MED16: variants seen among roughly 807,000 people sequenced by gnomAD.
MED16 encodes mediator complex subunit 16.
In MED16, 81 loss-of-function variants were observed where a neutral mutation model predicts 84.4. That is an observed-to-expected ratio of 0.96 (90% CI 0.80 to 1.15). The LOEUF (loss-of-function observed/expected upper bound fraction) is 1.15. Ranked by LOEUF, MED16 falls within the 50% of genes most tolerant of loss-of-function variation. The pLI is 0.00. For synonymous variants in MED16, 897 were observed against 552.2 expected, an observed-to-expected ratio of 1.62 and a Z score of -8.76; for missense variants, 1,585 against 1,245.9, an observed-to-expected ratio of 1.27 and a Z score of -4.10.
At position 880,066 on chromosome 19, in the gene MED16, G is replaced by A. The variant is rs34799086; in HGVS notation, c.1224C>T (p.Ser408=). Residue 408 remains serine (S), a synonymous_variant, in exon 8 of 16, where the codon TCC becomes TCT. Coordinates refer to ENST00000325464, the MANE Select transcript of MED16 (RefSeq NM_005481.3). ...SLQTMAVFYS[S]AAPRPVDEPA... is the part of the protein sequence containing the mutation. Reference sequence around the variant, plus strand: ...GCTCATCCACAGGCCTCGGGGCCGCGGAGCTGTAGAAGACGGCCATGGTCT... The same window carrying A: ...GCTCATCCACAGGCCTCGGGGCCGCAGAGCTGTAGAAGACGGCCATGGTCT... 0.16 allele frequency: 257,403 copies of A among 1,610,476 alleles called. 26,799 individuals are homozygous for A. Among genetic ancestry groups the A allele is most frequent in the East Asian group, 0.59 (26,592 of 44,810 alleles).
chr19:890,308 C>G, intron 2 of MED16, 64 bp from the exon 3 acceptor site: 1 of 1,178,456 alleles, frequency 8.5e-7, no homozygotes, highest in Non-Finnish European at 1.2e-6. Flanking sequence ...GACGATGACT[C>G]CAGGCAGGCT....
At chr19:881,244 G>C (rs2036416886) in intron 7 of MED16, among the ~76,000 whole-genome samples, 1 of 152,226 alleles carries the variant, frequency 6.6e-6, no homozygotes, top group South Asian at 2.1e-4. Flanking sequence ...CTGCAGCACA[G>C]AGAGGACACA....
At position 880,158 on chromosome 19, in the gene MED16, A is replaced by G. The variant is rs2036390138; in HGVS notation, c.1142-10T>C. ...AAGGCCAGGGCCAGCCCTGTGGGGC[A>G]CAGGCACTGCTTAGACATGGGCAGG... On this transcript the variant is annotated splice_polypyrimidine_tract_variant and intron_variant, in intron 7 of 15. Transcript: ENST00000325464. The G allele has an allele frequency of 6.2e-7, 1 of 1,603,654 alleles. No homozygotes were observed. The highest frequency in any genetic ancestry group is 8.5e-7 in the Non-Finnish European group (1 of 1,177,578).
chr19:879,897 A>G, intron 8 of MED16, 40 bp downstream of exon 8: 1 of 1,415,832 alleles, frequency 7.1e-7, no homozygotes, highest in Non-Finnish European at 9.4e-7. Flanking sequence ...CTGGTTGTCA[A>G]TGCCCACCAG....
intron 9 of MED16, among the ~76,000 whole-genome samples, chr19:875,681 G>A (rs1326039603): frequency 1.3e-5 from 2 of 152,178 alleles, no homozygotes. Flanking sequence ...CTCTGGTGGG[G>A]GCCCCTGGTG....
intron 10 of MED16, among the ~76,000 whole-genome samples, chr19:874,272 C>A (rs1023271346): frequency 1.3e-5 from 2 of 152,128 alleles, no homozygotes; most frequent in African/African-American, 2.4e-5. Context: ...CGCCACCACG[C>A]CCGGCTGATT....
chr19:883,058 C>A (rs1192278227), intron 6 of MED16, among the ~76,000 whole-genome samples: 2 of 152,204 alleles, frequency 1.3e-5, no homozygotes, highest in East Asian at 1.9e-4. Context: ...ACGACCACAC[C>A]CCCAGCTAGT....
intron 13 of MED16, among the ~76,000 whole-genome samples, chr19:870,691 G>A (rs1312864299): frequency 2.6e-5 from 4 of 151,946 alleles, no homozygotes; most frequent in South Asian, 2.1e-4. Flanking sequence ...GGAAGCAGCA[G>A]TCATGGCCAT....
intron 5 of MED16, 121 bp downstream of exon 5, chr19:885,649 G>A (rs1463679012): frequency 1.2e-5 from 14 of 1,197,906 alleles, no homozygotes; most frequent in South Asian, 7.3e-5. Flanking sequence ...GGGAGGGACC[G>A]GCCCTGCCCA....
At chr19:876,357 C>T (rs111843049) in intron 9 of MED16, among the ~76,000 whole-genome samples, 3,735 of 152,140 alleles carry the variant, frequency 0.025, 55 homozygotes, top group Middle Eastern at 0.034. Flanking sequence ...TTCCGACGGG[C>T]GGGTCTCTGT....
chr19:870,786 G>A (rs1195629411), intron 13 of MED16, among the ~76,000 whole-genome samples: 3 of 147,286 alleles, frequency 2.0e-5, no homozygotes, highest in African/African-American at 7.5e-5. Flanking sequence ...GTGTGGATTC[G>A]GGGGGACCCG....
chr19:876,856 G>A (rs1368751828), intron 9 of MED16, 118 bp downstream of exon 9: 1 of 874,062 alleles, frequency 1.1e-6, no homozygotes, highest in South Asian at 2.1e-5. Flanking sequence ...AGCCCCACCT[G>A]GCACGGGACC....
intron 13 of MED16, among the ~76,000 whole-genome samples, chr19:870,333 G>C (rs1230986413): frequency 6.6e-6 from 1 of 152,158 alleles, no homozygotes; most frequent in African/African-American, 2.4e-5. Flanking sequence ...GGGCGAGGCA[G>C]GTGGATCACC....
At chr19:874,469 C>A (rs1318312054) in intron 10 of MED16, among the ~76,000 whole-genome samples, 1 of 152,184 alleles carries the variant, frequency 6.6e-6, no homozygotes, top group Non-Finnish European at 1.5e-5. Context: ...GTAATCCCAG[C>A]GCTTTGGGAG....
chr19:876,864 ACCACCTGCCACGGGG>A (rs1208431029), intron 9 of MED16, 95 bp downstream of exon 9: 5 of 931,098 alleles, frequency 5.4e-6, no homozygotes, highest in Middle Eastern at 3.9e-4. Flanking sequence ...CTGGCACGGG[ACCACCTGCCACGGGG>A]CCCCCACCTG....
chr19:874,233 C>A (rs1490873168), intron 10 of MED16, among the ~76,000 whole-genome samples: 6 of 152,272 alleles, frequency 3.9e-5, no homozygotes, highest in African/African-American at 1.4e-4. Context: ...CCTGCCTCAG[C>A]CTCCCGAGTA....
Position 875,342 on chromosome 19 carries a change from G to C in MED16, c.1673C>G (p.Ser558Cys). The C allele has an allele frequency of 1.9e-6, 3 of 1,610,478 alleles. No homozygotes were observed. Among genetic ancestry groups the C allele is most frequent in the Non-Finnish European group, 2.5e-6 (3 of 1,179,826 alleles). The stretch of plus-strand genomic sequence containing the variant: ...GGGGCGCAGCAGCGACTTCAGGGTG[G>C]AGCTGATGGCGATGAGGAAGAGCTT... ...HTKLFLIAIS[S>C]TLKSLLRPHF... The change falls in exon 10 of 16, where the codon TCC becomes TGC. Residue 558 changes from serine to cysteine, a missense_variant. Transcript: ENST00000325464.
chr19:868,171 G>T lies in MED16; in HGVS notation c.2564C>A (p.Pro855Gln). The change falls in exon 16 of 16, where the codon CCG becomes CAG. Residue 855 changes from proline to glutamine, a missense_variant. Coordinates refer to ENST00000325464, the MANE Select transcript of MED16 (RefSeq NM_005481.3). ...CCTGGGAGAGTGGTGTGTGGACTGC[G>T]GGCCCAGCTGGACAAAGGCAGGGGC... ...EEAPAFVQLGPQSTHHSPRTP... is the reference protein window; with the variant it reads ...EEAPAFVQLGQQSTHHSPRTP... The T allele has an allele frequency of 6.2e-7, 1 of 1,610,624 alleles. No individual in the cohort carries two copies. The highest frequency in any genetic ancestry group is 1.3e-5 in the African/African-American group (1 of 75,000).
rs755065955 is a variant in MED16 at position 880,100 on chromosome 19, A to C, written c.1190T>G (p.Leu397Arg). 2 of 1,610,564 alleles carry C rather than the reference A, an allele frequency of 1.2e-6. No homozygotes were observed. The highest frequency in any genetic ancestry group is 1.7e-6 in the Non-Finnish European group (2 of 1,179,416). ...HDGSVHIVHR[L>R]SLQTMAVFYS... ...GAAGACGGCCATGGTCTGCAGTGAG[A>C]GCCGGTGCACGATGTGGACGCTGCC... The change falls in exon 8 of 16, where the codon CTC becomes CGC. Residue 397 changes from leucine (L) to arginine (R), a missense_variant. Physicochemically the swap from Leu to Arg is moderately radical, Grantham distance 102 (BLOSUM62 -2). Transcript: ENST00000325464.
Sources: gnomAD v4.1 joint callset for allele counts (sites outside exome capture counted in the v4.1 genomes callset) on GRCh38, gnomAD v4.1.1 for gene constraint, MANE v1.5 for transcripts, NCBI Gene and HGNC (gene_info 2026-07-23, HGNC 2026-07-21) for gene names.